Variants in TMEM132D observed in about 807,000 individuals in gnomAD.
The protein encoded by TMEM132D is transmembrane protein 132D, also known as mature OL transmembrane protein.
Under a neutral mutation model 62.3 loss-of-function variants are expected in TMEM132D, and 21 were observed. The observed-to-expected ratio is 0.34, with a 90% CI of 0.24 to 0.49. TMEM132D has a LOEUF of 0.49. Ranked by LOEUF, TMEM132D falls within the 20% of genes least tolerant of loss-of-function variation. TMEM132D has a pLI of 0.99. For synonymous variants in TMEM132D, 621 were observed against 575.6 expected (o/e 1.08, Z -1.13); for missense variants, 1,346 against 1,402.8 (o/e 0.96, Z 0.65).
chr12:129,257,331 C>T (rs7132365), intron 4 of TMEM132D, among the ~76,000 whole-genome samples: 10,787 of 151,834 alleles, frequency 0.071, 570 homozygotes, highest in Admixed American at 0.17. Context: ...CTTAGCCTCC[C>T]GAGTAGCTGG....
chr12:129,594,192 G>T (rs1287630328), intron 2 of TMEM132D, among the ~76,000 whole-genome samples: 3 of 152,162 alleles, frequency 2.0e-5, no homozygotes, highest in African/African-American at 4.8e-5. Context: ...TTATGCAGAA[G>T]TGGGGTTAAA....
chr12:129,383,509 G>C (rs769793212), intron 3 of TMEM132D, among the ~76,000 whole-genome samples: 4 of 152,170 alleles, frequency 2.6e-5, no homozygotes, highest in Admixed American at 6.5e-5. Context: ...GCATGGAGTG[G>C]TGTGATCTTG....
intron 5 of TMEM132D, among the ~76,000 whole-genome samples, chr12:129,189,079 T>C (rs1408228105): frequency 6.6e-6 from 1 of 151,608 alleles, no homozygotes; most frequent in Non-Finnish European, 1.5e-5. Context: ...AGAGAGGCTA[T>C]TTTACAGGGA....
Position 129,281,979 on chromosome 12 carries a change from C to T in TMEM132D, c.1299+55655G>A, listed in dbSNP as rs566561875. Among the ~76,000 whole-genome samples, 5 of 152,286 alleles carry T rather than the reference C, an allele frequency of 3.3e-5. No individual in the cohort carries two copies. In the South Asian group the frequency reaches 8.3e-4, roughly 25 times the overall value. On this transcript the variant is annotated intron_variant, in intron 4 of 8. Transcript: ENST00000422113. ...GGTGGAGGGTAGACCTCCGTGAACC[C>T]GCTCCATTGCCTGGTTTCCTGCCTT...
intron 5 of TMEM132D, among the ~76,000 whole-genome samples, chr12:129,177,098 T>C (rs11614675): frequency 0.074 from 11,286 of 152,176 alleles, 551 homozygotes; most frequent in Middle Eastern, 0.12. Flanking sequence ...ACCACATAAA[T>C]TTTAGAAAAT....
chr12:129,724,552 C>T lies in TMEM132D; in HGVS notation c.80-23854G>A, dbSNP rs150563841. 5.7e-3 allele frequency among the ~76,000 whole-genome samples: 874 copies of T among 152,238 alleles called. 5 individuals are homozygous for T. The highest frequency in any genetic ancestry group is 0.02 in the African/African-American group (836 of 41,548). On this transcript the variant is annotated intron_variant, in intron 1 of 8. Transcript: ENST00000422113. ...TTGTTTTTGTTTTGAGATGGAGTCT[C>T]GCTCTTGTCGCCCAGGTTGGAGTAC... is the stretch of plus-strand genomic sequence containing the variant.
intron 4 of TMEM132D, among the ~76,000 whole-genome samples, chr12:129,218,420 T>C (rs1221682423): frequency 6.6e-6 from 1 of 152,224 alleles, no homozygotes; most frequent in Non-Finnish European, 1.5e-5. Context: ...TAGCCTATTG[T>C]TCCTGGGCTA....
intron 3 of TMEM132D, among the ~76,000 whole-genome samples, chr12:129,498,674 T>C (rs1050324326): frequency 3.3e-5 from 5 of 152,210 alleles, no homozygotes; most frequent in African/African-American, 1.2e-4. Flanking sequence ...AAATACACTT[T>C]GGGGCAAATG....
intron 1 of TMEM132D, among the ~76,000 whole-genome samples, chr12:129,725,464 A>C (rs1868997693): frequency 2.6e-5 from 4 of 152,254 alleles, no homozygotes. Context: ...GGATTTGGCA[A>C]GAAAGGCACA....
rs1163713739 is a variant in TMEM132D, at chr12:129,301,251, C to T, written c.1299+36383G>A. 2.6e-5 allele frequency among the ~76,000 whole-genome samples: 4 copies of T among 152,224 alleles called. No individual in the cohort carries two copies. In the South Asian group the frequency reaches 8.3e-4, roughly 32 times the overall value. On this transcript the variant is annotated intron_variant, in intron 4 of 8. Transcript: ENST00000422113. The stretch of plus-strand genomic sequence containing the variant: ...TTTATTTAAGCTTCTTGTTAATGCT[C>T]GACTTCTTCCAAGATTTGGTCTTAT...
intron 2 of TMEM132D, among the ~76,000 whole-genome samples, chr12:129,612,747 G>A (rs1054128702): frequency 8.6e-5 from 13 of 151,996 alleles, no homozygotes; most frequent in African/African-American, 1.7e-4. Flanking sequence ...TCTGATGTAC[G>A]CTTAGTCTGA....
chr12:129,170,878 T>C (rs1040738864), intron 5 of TMEM132D, among the ~76,000 whole-genome samples: 5 of 152,158 alleles, frequency 3.3e-5, no homozygotes, highest in African/African-American at 1.2e-4. Flanking sequence ...ATCTTTTTGC[T>C]GGTGGAGGGT....
intron 2 of TMEM132D, among the ~76,000 whole-genome samples, chr12:129,604,140 G>T (rs1878553959): frequency 6.6e-6 from 1 of 152,022 alleles, no homozygotes; most frequent in South Asian, 2.1e-4. Context: ...CACAAGGAGG[G>T]GAACATCACA....
At chr12:129,877,616 C>CAA (rs1402132049) in intron 1 of TMEM132D, among the ~76,000 whole-genome samples, 1 of 141,722 alleles carries the variant, frequency 7.1e-6, no homozygotes, top group African/African-American at 2.6e-5. Flanking sequence ...CGCGCGCGCA[C>CAA]ACACACACAC....
At position 129,734,291 on chromosome 12, in the gene TMEM132D, C is replaced by T. The variant is rs570016930; in HGVS notation, c.80-33593G>A. ...GAGGCCACCATGATGTCCAAAAGAA[C>T]CTTTTCCCTATTGTTTTTGGTGTTC... is the stretch of plus-strand genomic sequence containing the variant. On this transcript the variant is annotated intron_variant, in intron 1 of 8. Coordinates refer to ENST00000422113, the MANE Select transcript of TMEM132D (RefSeq NM_133448.3). Among the ~76,000 whole-genome samples the T allele has an allele frequency of 3.3e-5, 5 of 152,316 alleles. No homozygotes were observed. In the South Asian group the frequency reaches 1.0e-3, roughly 32 times the overall value.
chr12:129,383,945 T>C lies in TMEM132D; in HGVS notation c.1116-46128A>G, dbSNP rs1180812772. On this transcript the variant is annotated intron_variant, in intron 3 of 8. Transcript: ENST00000422113. ...GGACCCGGAATGAGGAACACTGGGT[T>C]AGACAACACCGCAGTCACCCAGTAT... Among the ~76,000 whole-genome samples, 4 of 152,310 alleles carry C rather than the reference T, an allele frequency of 2.6e-5. No homozygotes were observed. In the East Asian group the frequency reaches 7.7e-4, roughly 29 times the overall value.
At chr12:129,578,140 C>T (rs895996724) in intron 2 of TMEM132D, among the ~76,000 whole-genome samples, 49 of 152,154 alleles carry the variant, frequency 3.2e-4, no homozygotes, top group Non-Finnish European at 5.3e-4. Flanking sequence ...GAACTTGGAC[C>T]GGTGCATCCT....
chr12:129,183,537 G>C (rs1878129770), intron 5 of TMEM132D, among the ~76,000 whole-genome samples: 1 of 152,236 alleles, frequency 6.6e-6, no homozygotes, highest in Non-Finnish European at 1.5e-5. Context: ...AGCCTTGCTA[G>C]TGTTTTGGGC....
intron 1 of TMEM132D, among the ~76,000 whole-genome samples, chr12:129,871,702 C>T (rs1283565980): frequency 6.6e-6 from 1 of 152,176 alleles, no homozygotes; most frequent in Non-Finnish European, 1.5e-5. Context: ...AAGTCAGCTG[C>T]TGAACTCTCG....
Sources: allele counts gnomAD v4.1 joint callset (sites outside exome capture counted in the v4.1 genomes callset), GRCh38; gene constraint gnomAD v4.1.1; transcripts MANE v1.5; gene names NCBI Gene and HGNC (gene_info 2026-07-23, HGNC 2026-07-21).